SDK1: variants seen among roughly 807,000 people sequenced by gnomAD.
SDK1 encodes protein sidekick-1.
SDK1 carries 157 observed loss-of-function variants against 245.5 expected under a neutral mutation model. The ratio of observed to expected loss-of-function variants is 0.64; its 90% CI spans 0.56 to 0.73. The LOEUF (loss-of-function observed/expected upper bound fraction) is 0.73. Among genes scored for constraint, SDK1 ranks in the 30% least tolerant of loss-of-function variants. The pLI, the probability that SDK1 is intolerant of heterozygous loss-of-function variation, is 0.00. For missense variants in SDK1, 3,583 were observed against 3,002.3 expected, an observed-to-expected ratio of 1.19 and a Z score of -4.52; for synonymous variants, 1,647 against 1,278.5, an observed-to-expected ratio of 1.29 and a Z score of -6.15.
intron 28 of SDK1, among the ~76,000 whole-genome samples, chr7:4,144,374 G>A (rs761024473): frequency 6.6e-6 from 1 of 152,144 alleles, no homozygotes; most frequent in East Asian, 1.9e-4. Flanking sequence ...TAAGTTCAGG[G>A]TCCTGCAGAC....
intron 1 of SDK1, among the ~76,000 whole-genome samples, chr7:3,518,936 A>G (rs1352900140): frequency 6.6e-6 from 1 of 151,692 alleles, no homozygotes; most frequent in Non-Finnish European, 1.5e-5. Context: ...TGTGCTATAT[A>G]TATGCAATGG....
Position 4,266,226 on chromosome 7 carries a change from G to C in SDK1, c.*842G>C. 1.0e-6 allele frequency: 1 copy of C among 985,394 alleles called. No individual in the cohort carries two copies. The highest frequency in any genetic ancestry group is 1.2e-6 in the Non-Finnish European group (1 of 829,886). 61.0% of individuals were successfully genotyped at this position (985,394 alleles called of 1,614,324 possible). A position where few individuals can be genotyped will look rare whatever the true frequency, so the allele number is the denominator to read the frequency against. On this transcript the variant is annotated 3_prime_UTR_variant, in exon 45 of 45. Transcript: ENST00000404826. ...CGTCTCCAGAATTGCTTGTTACGTA[G>C]GAAGCGTGCATTGTTAACCAGAGTA...
rs574991913 is a variant in SDK1 at position 3,891,566 on chromosome 7, C to T, written c.848-59357C>T. On this transcript the variant is annotated intron_variant, in intron 5 of 44. Transcript: ENST00000404826. The stretch of plus-strand genomic sequence containing the variant: ...TAATCTCTTTGATTCCGGTCAACCC[C>T]GTGTGCCTACAGTCATTTTTCGTGC... 5.9e-5 allele frequency among the ~76,000 whole-genome samples: 9 copies of T among 152,314 alleles called. No individual in the cohort carries two copies. The South Asian group carries it at 6.2e-4, about 11-fold the overall frequency.
At chr7:3,668,235 G>C (rs1783595997) in intron 4 of SDK1, among the ~76,000 whole-genome samples, 2 of 152,190 alleles carry the variant, frequency 1.3e-5, no homozygotes, top group African/African-American at 4.8e-5. Context: ...GGAGTGGGAA[G>C]GCTTATCTTT....
intron 44 of SDK1, among the ~76,000 whole-genome samples, chr7:4,254,107 T>A (rs1690408742): frequency 6.6e-6 from 1 of 152,194 alleles, no homozygotes; most frequent in African/African-American, 2.4e-5. Flanking sequence ...TTTTGTGCTA[T>A]TACTATACAT....
chr7:4,122,080 C>T (rs952635390), intron 25 of SDK1, among the ~76,000 whole-genome samples: 1 of 152,100 alleles, frequency 6.6e-6, no homozygotes, highest in Non-Finnish European at 1.5e-5. Context: ...CCATCTCTGC[C>T]CGTCCTACCA....
rs567742226 is a variant in SDK1, at chr7:3,340,308, A to T, written c.298+38424A>T. On this transcript the variant is annotated intron_variant, in intron 1 of 44. Transcript: ENST00000404826. ...GTGTATATATATAAAAGTTACATTT[A>T]CTCTATGAAGTGCAATAACATTTTG... 2.6e-5 allele frequency among the ~76,000 whole-genome samples: 4 copies of T among 152,210 alleles called. No individual in the cohort carries two copies. The East Asian group carries it at 7.7e-4, about 29-fold the overall frequency.
intron 20 of SDK1, among the ~76,000 whole-genome samples, chr7:4,074,905 TATA>T (rs1356175713): frequency 2.8e-4 from 25 of 88,078 alleles, no homozygotes; most frequent in African/African-American, 1.4e-3. Context: ...TATATATATA[TATA>T]TATATATATT....
At chr7:3,463,728 C>G (rs11982725) in intron 1 of SDK1, among the ~76,000 whole-genome samples, 1 of 152,194 alleles carries the variant, frequency 6.6e-6, no homozygotes, top group Non-Finnish European at 1.5e-5. Context: ...TTCCCCCTCT[C>G]TGCTGGTCTC....
chr7:3,525,411 T>C lies in SDK1; in HGVS notation c.299-93669T>C, dbSNP rs115259509. ...GCTCCTGGGGTTGTTTGACTCAGTGTCTCCCTTTTCTTGTGTCTGGGAGGT... is the reference window on the plus strand; with the variant it reads ...GCTCCTGGGGTTGTTTGACTCAGTGCCTCCCTTTTCTTGTGTCTGGGAGGT... On this transcript the variant is annotated intron_variant, in intron 1 of 44. Coordinates refer to ENST00000404826, the MANE Select transcript of SDK1 (RefSeq NM_152744.4). Among the ~76,000 whole-genome samples the C allele has an allele frequency of 2.6e-3, 402 of 152,284 alleles. 2 individuals carry two copies. The highest frequency in any genetic ancestry group is 9.2e-3 in the African/African-American group (382 of 41,560).
chr7:3,775,366 G>A (rs1042807063), intron 4 of SDK1, among the ~76,000 whole-genome samples: 1 of 151,996 alleles, frequency 6.6e-6, no homozygotes, highest in Non-Finnish European at 1.5e-5. Flanking sequence ...CATTTTACCT[G>A]TAGCAGATTG....
rs910724286 is a variant in SDK1, at chr7:3,964,407, G to T, written c.1429+1556G>T. 2.6e-5 allele frequency among the ~76,000 whole-genome samples: 4 copies of T among 152,258 alleles called. No individual in the cohort carries two copies. In the East Asian group the frequency reaches 7.7e-4, roughly 29 times the overall value. ...ACTCCCTTATTTTCTGGGCAGAATT[G>T]GAAAGACTATTGAGTGAATAGATCA... On this transcript the variant is annotated intron_variant, in intron 9 of 44. Transcript: ENST00000404826.
chr7:3,829,715 G>A (rs992812042), intron 5 of SDK1, among the ~76,000 whole-genome samples: 3 of 152,188 alleles, frequency 2.0e-5, no homozygotes, highest in Non-Finnish European at 4.4e-5. Flanking sequence ...GGCTCTCTGC[G>A]AAGAGCTCTG....
intron 35 of SDK1, among the ~76,000 whole-genome samples, chr7:4,181,357 C>T (rs891863800): frequency 1.9e-4 from 29 of 152,224 alleles, no homozygotes; most frequent in South Asian, 6.2e-4. Context: ...GATGGACACT[C>T]GGGGGCCTTC....
chr7:3,801,882 G>A (rs1220331901), intron 4 of SDK1, among the ~76,000 whole-genome samples: 1 of 152,174 alleles, frequency 6.6e-6, no homozygotes, highest in Non-Finnish European at 1.5e-5. Flanking sequence ...GTGTCTCCCT[G>A]AAAACTCCAG....
At chr7:3,964,070 C>G (rs1217134431) in intron 9 of SDK1, among the ~76,000 whole-genome samples, 1 of 152,278 alleles carries the variant, frequency 6.6e-6, no homozygotes, top group Non-Finnish European at 1.5e-5. Flanking sequence ...ATCAGCAAAG[C>G]CAGACCTGCT....
chr7:3,326,222 G>A (rs59604371), intron 1 of SDK1, among the ~76,000 whole-genome samples: 1 of 151,888 alleles, frequency 6.6e-6, no homozygotes, highest in Non-Finnish European at 1.5e-5. Flanking sequence ...TAACCGTTGT[G>A]AACATTTTGG....
chr7:3,560,066 C>T (rs1779700450), intron 1 of SDK1, among the ~76,000 whole-genome samples: 1 of 152,188 alleles, frequency 6.6e-6, no homozygotes, highest in South Asian at 2.1e-4. Flanking sequence ...TTCTTTGAAG[C>T]CTGGTGTTTT....
chr7:4,056,882 G>A (rs1245891097), intron 19 of SDK1, among the ~76,000 whole-genome samples: 12 of 151,840 alleles, frequency 7.9e-5, no homozygotes, highest in African/African-American at 4.8e-5. Context: ...ATTCCGCCCC[G>A]GCTCCCGACA....
Sources: allele counts gnomAD v4.1 joint callset (sites outside exome capture counted in the v4.1 genomes callset), GRCh38; gene constraint gnomAD v4.1.1; transcripts MANE v1.5; gene names NCBI Gene and HGNC (gene_info 2026-07-23, HGNC 2026-07-21).